The following FTO variants were observed in gnomAD, a reference collection of about 807,000 sequenced individuals.
FTO encodes the protein alpha-ketoglutarate-dependent dioxygenase FTO.
In FTO, 47 loss-of-function variants were observed where a neutral mutation model predicts 63.9. That is an observed-to-expected ratio of 0.74 (90% CI 0.58 to 0.94). FTO has a LOEUF of 0.94. Ranked by LOEUF, FTO falls within the 40% of genes least tolerant of loss-of-function variation. The probability of loss-of-function intolerance (pLI) is 0.00; values close to 1 mark genes in which losing one functional copy is unlikely to be tolerated. For synonymous variants in FTO, 207 were observed against 224.4 expected (o/e 0.92, Z 0.69); for missense variants, 562 against 618.1 (o/e 0.91, Z 0.96).
At chr16:53,978,621 T>G (rs1284273653) in intron 8 of FTO, among the ~76,000 whole-genome samples, 1 of 152,230 alleles carries the variant, frequency 6.6e-6, no homozygotes, top group Non-Finnish European at 1.5e-5. Context: ...TGTGGCCAAG[T>G]ACTTTTTCTT....
chr16:53,998,995 A>T (rs1023230931), intron 8 of FTO, among the ~76,000 whole-genome samples: 9 of 152,326 alleles, frequency 5.9e-5, no homozygotes, highest in Non-Finnish European at 8.8e-5. Context: ...CCTCCAAAAA[A>T]GGAAACTTCC....
At chr16:53,812,450 T>C (rs2078559295) in intron 2 of FTO, among the ~76,000 whole-genome samples, 1 of 152,106 alleles carries the variant, frequency 6.6e-6, no homozygotes. Context: ...CTCGAACTCC[T>C]GACCTCAAGT....
chr16:53,978,816 G>A (rs942083192), intron 8 of FTO, among the ~76,000 whole-genome samples: 1 of 152,138 alleles, frequency 6.6e-6, no homozygotes, highest in Non-Finnish European at 1.5e-5. Flanking sequence ...GGCCAACATG[G>A]TGAAACCCCT....
chr16:53,909,849 C>T (rs1404293311), intron 7 of FTO, among the ~76,000 whole-genome samples: 2 of 152,046 alleles, frequency 1.3e-5, no homozygotes, highest in East Asian at 1.9e-4. Flanking sequence ...CAGGTGTGAG[C>T]CACCACGCCC....
At chr16:54,032,938 A>G (rs549787177) in intron 8 of FTO, among the ~76,000 whole-genome samples, 18 of 152,210 alleles carry the variant, frequency 1.2e-4, no homozygotes, top group Admixed American at 6.5e-4. Flanking sequence ...TGCTCTGGCC[A>G]TGTGACATAA....
At chr16:53,796,817 G>A (rs2151702978) in intron 1 of FTO, among the ~76,000 whole-genome samples, 1 of 152,246 alleles carries the variant, frequency 6.6e-6, no homozygotes, top group African/African-American at 2.4e-5. Context: ...AATTGATATA[G>A]AATAAACTGC....
At chr16:54,032,621 A>G (rs1182492807) in intron 8 of FTO, among the ~76,000 whole-genome samples, 9 of 152,164 alleles carry the variant, frequency 5.9e-5, no homozygotes, top group Admixed American at 4.6e-4. Flanking sequence ...ATGGGTTAGT[A>G]ATTGCCTTGA....
intron 3 of FTO, among the ~76,000 whole-genome samples, chr16:53,828,376 C>T (rs1003238329): frequency 3.3e-5 from 5 of 152,134 alleles, no homozygotes; most frequent in African/African-American, 4.8e-5. Flanking sequence ...CCCGCCACCA[C>T]GCCCGGCTAA....
At chr16:53,799,061 G>A (rs753296537) in intron 1 of FTO, among the ~76,000 whole-genome samples, 45 of 152,214 alleles carry the variant, frequency 3.0e-4, no homozygotes, top group Admixed American at 2.6e-4. Context: ...CCAACCTGGC[G>A]TTCTGGGGGT....
Position 53,966,026 on chromosome 16 carries a change from CCTAA to C in FTO, c.1364+31922_1364+31925del, listed in dbSNP as rs373096252. ...GGGATTACAGGCATACGCCACCACG[CCTAA>C]CTAATTTTTGTGTTTTTAGTAGAGA... On this transcript the variant is annotated intron_variant, in intron 8 of 8. Coordinates refer to ENST00000471389, the MANE Select transcript of FTO (RefSeq NM_001080432.3). Among the ~76,000 whole-genome samples, 32 of 152,168 alleles carry C rather than the reference CCTAA, an allele frequency of 2.1e-4. No individual in the cohort carries two copies. The East Asian group carries it at 5.8e-3, about 28-fold the overall frequency.
At chr16:53,850,197 G>A (rs1289689311) in intron 4 of FTO, among the ~76,000 whole-genome samples, 1 of 152,156 alleles carries the variant, frequency 6.6e-6, no homozygotes, top group Non-Finnish European at 1.5e-5. Context: ...TGCTTGAACA[G>A]CCAAATGAGC....
In FTO at chr16:53,896,980, G is replaced by A. The variant is rs747389093; in HGVS notation, c.1239+8029G>A. 1.1e-4 allele frequency among the ~76,000 whole-genome samples: 16 copies of A among 152,162 alleles called. No individual in the cohort carries two copies. In the East Asian group the frequency reaches 2.1e-3, roughly 20 times the overall value. On this transcript the variant is annotated intron_variant, in intron 7 of 8. Coordinates refer to ENST00000471389, the MANE Select transcript of FTO (RefSeq NM_001080432.3). ...CAAAAAATGACTTACAGAGAGCCCC[G>A]GGAACACATTAAGTTGGCCCTTCCG...
intron 1 of FTO, among the ~76,000 whole-genome samples, chr16:53,752,736 G>A (rs1250908221): frequency 6.6e-6 from 1 of 152,142 alleles, no homozygotes; most frequent in South Asian, 2.1e-4. Context: ...TTCTAACCCA[G>A]CTGTGTGGCA....
intron 1 of FTO, among the ~76,000 whole-genome samples, chr16:53,763,934 G>T (rs943561009): frequency 3.9e-5 from 6 of 152,196 alleles, no homozygotes; most frequent in Non-Finnish European, 8.8e-5. Context: ...GCCCTGGAAA[G>T]AATCGGGATT....
At chr16:53,870,848 T>C (rs1341111069) in intron 4 of FTO, among the ~76,000 whole-genome samples, 2 of 152,210 alleles carry the variant, frequency 1.3e-5, no homozygotes, top group African/African-American at 4.8e-5. Context: ...TAACTATTCT[T>C]ATAGTGTAAA....
chr16:53,983,480 C>T (rs1340433670), intron 8 of FTO, among the ~76,000 whole-genome samples: 2 of 152,078 alleles, frequency 1.3e-5, no homozygotes, highest in Non-Finnish European at 2.9e-5. Context: ...CTGACTTTCT[C>T]AGTGGAGTGG....
intron 7 of FTO, among the ~76,000 whole-genome samples, chr16:53,909,953 C>G (rs1332982923): frequency 6.6e-6 from 1 of 152,054 alleles, no homozygotes. Context: ...TCATAGCTTA[C>G]TGCAGCCTCG....
intron 6 of FTO, among the ~76,000 whole-genome samples, chr16:53,887,689 T>C (rs1246433607): frequency 1.3e-5 from 2 of 152,210 alleles, no homozygotes; most frequent in Non-Finnish European, 2.9e-5. Context: ...GGCCAATAAG[T>C]ATATAACACA....
chr16:53,982,437 A>G (rs1404439978), intron 8 of FTO, among the ~76,000 whole-genome samples: 1 of 152,194 alleles, frequency 6.6e-6, no homozygotes, highest in Non-Finnish European at 1.5e-5. Context: ...GAAAACCTTG[A>G]TGATATTCAT....
Sources: gnomAD v4.1 joint callset for allele counts (sites outside exome capture counted in the v4.1 genomes callset) on GRCh38, gnomAD v4.1.1 for gene constraint, MANE v1.5 for transcripts, NCBI Gene and HGNC (gene_info 2026-07-23, HGNC 2026-07-21) for gene names.